Variants in THADA observed in about 807,000 individuals in gnomAD.
THADA encodes THADA armadillo repeat containing.
Under a neutral mutation model 219.8 loss-of-function variants are expected in THADA, and 213 were observed. The ratio of observed to expected loss-of-function variants is 0.97; its 90% CI spans 0.87 to 1.09. The LOEUF (loss-of-function observed/expected upper bound fraction) is 1.09, where lower values mean the gene tolerates loss of function less well. Among genes scored for constraint, THADA ranks in the 50% least tolerant of loss-of-function variants. THADA has a pLI of 0.00. For missense variants in THADA, 2,956 were observed against 2,311.3 expected (o/e 1.28, Z -5.72); for synonymous variants, 1,018 against 828.9 (o/e 1.23, Z -3.92).
rs776170716 is a variant in THADA at position 43,541,164 on chromosome 2, C to G, written c.3259G>C (p.Glu1087Gln). 1.3e-6 allele frequency: 2 copies of G among 1,569,402 alleles called. No individual in the cohort carries two copies. The highest frequency in any genetic ancestry group is 1.4e-5 in the African/African-American group (1 of 71,762). ...GGAATAAACATGTGCCTTACCTGCTCCACCGTCAATAATCCATCAGAAGAT... is the reference window on the plus strand; with the variant it reads ...GGAATAAACATGTGCCTTACCTGCTGCACCGTCAATAATCCATCAGAAGAT... ...PESSDGLLTV[E>Q]QVKEIGDYFK... is the part of the protein sequence containing the mutation. The change falls in exon 21 of 38, where the codon GAG (glutamate) becomes CAG (glutamine). Residue 1087 changes from glutamate to glutamine, a missense_variant. Transcript: ENST00000405975.
chr2:43,479,704 A>G (rs1573859785), intron 26 of THADA, among the ~76,000 whole-genome samples: 3 of 152,184 alleles, frequency 2.0e-5, no homozygotes, highest in African/African-American at 7.2e-5. Context: ...CAGAAAACTA[A>G]GATTTCTACC....
chr2:43,337,932 A>G (rs1666651918), intron 30 of THADA, among the ~76,000 whole-genome samples: 1 of 152,210 alleles, frequency 6.6e-6, no homozygotes, highest in African/African-American at 2.4e-5. Context: ...CACAGGTGGT[A>G]AAACTAGGAA....
intron 29 of THADA, among the ~76,000 whole-genome samples, chr2:43,356,267 C>T (rs567777261): frequency 2.0e-4 from 31 of 152,026 alleles, no homozygotes; most frequent in Non-Finnish European, 3.7e-4. Context: ...AAGCCTTAAA[C>T]TAAGATAAAT....
chr2:43,499,240 C>T (rs1017457428), intron 24 of THADA, among the ~76,000 whole-genome samples: 2 of 152,170 alleles, frequency 1.3e-5, no homozygotes, highest in African/African-American at 2.4e-5. Flanking sequence ...TTCGAGCACA[C>T]ATGAAACATT....
At chr2:43,462,371 T>C (rs929653845) in intron 26 of THADA, among the ~76,000 whole-genome samples, 1 of 152,104 alleles carries the variant, frequency 6.6e-6, no homozygotes, top group African/African-American at 2.4e-5. Flanking sequence ...AATAGTAAGG[T>C]GAACTTCTAG....
intron 13 of THADA, 67 bp downstream of exon 13, chr2:43,571,640 T>C (rs1574311660): frequency 6.6e-7 from 1 of 1,525,034 alleles, no homozygotes; most frequent in Non-Finnish European, 8.9e-7. Context: ...AAATCTGGGC[T>C]CTTTTTAAAA....
At chr2:43,243,951 T>C (rs551884956) in intron 36 of THADA, among the ~76,000 whole-genome samples, 1 of 152,330 alleles carries the variant, frequency 6.6e-6, no homozygotes, top group South Asian at 2.1e-4. Flanking sequence ...CCTGGTGACC[T>C]ATTATGAAAC....
intron 26 of THADA, among the ~76,000 whole-genome samples, chr2:43,433,337 T>G (rs1679621059): frequency 6.6e-6 from 1 of 151,980 alleles, no homozygotes. Flanking sequence ...CAAGACCAAC[T>G]TGACCAACAC....
chr2:43,479,967 A>G (rs1685993818), intron 26 of THADA, among the ~76,000 whole-genome samples: 1 of 152,220 alleles, frequency 6.6e-6, no homozygotes, highest in African/African-American at 2.4e-5. Flanking sequence ...GAGATTTGAG[A>G]TTATTGGTCA....
intron 10 of THADA, among the ~76,000 whole-genome samples, chr2:43,576,290 G>A (rs1040896644): frequency 6.6e-6 from 1 of 152,088 alleles, no homozygotes; most frequent in African/African-American, 2.4e-5. Context: ...CTGTATATAT[G>A]TTTCGACATT....
At chr2:43,432,911 G>C (rs1679557406) in intron 26 of THADA, among the ~76,000 whole-genome samples, 1 of 152,128 alleles carries the variant, frequency 6.6e-6, no homozygotes, top group East Asian at 1.9e-4. Flanking sequence ...CCTTCTTCTA[G>C]TCTGTGGCTT....
intron 36 of THADA, among the ~76,000 whole-genome samples, chr2:43,256,606 TA>T: frequency 1.4e-5 from 2 of 144,666 alleles, no homozygotes; most frequent in African/African-American, 5.5e-5. Flanking sequence ...AATAAATAAA[TA>T]AATAATTTTT....
At position 43,322,712 on chromosome 2, in the gene THADA, G is replaced by C. The variant is rs1461769739; in HGVS notation, c.4344-2172C>G. Among the ~76,000 whole-genome samples, 39 of 101,680 alleles carry C rather than the reference G, an allele frequency of 3.8e-4. 1 individual carries two copies. The highest frequency in any genetic ancestry group is 1.5e-3 in the African/African-American group (38 of 25,074). 66.7% of individuals were successfully genotyped at this position (101,680 alleles called of 152,430 possible). A position where few individuals can be genotyped will look rare whatever the true frequency, so the allele number is the denominator to read the frequency against. ...TTTTTTTTTTTTTTTTTGAGACGGA[G>C]TCTCTCTCTGTCACCCAGGCTGGAG... On this transcript the variant is annotated intron_variant, in intron 30 of 37. Coordinates refer to ENST00000405975, the MANE Select transcript of THADA (RefSeq NM_022065.5).
At chr2:43,503,748 G>C (rs1158605724) in intron 24 of THADA, among the ~76,000 whole-genome samples, 5 of 152,074 alleles carry the variant, frequency 3.3e-5, no homozygotes, top group African/African-American at 4.8e-5. Flanking sequence ...AAAAAGCTTA[G>C]AAGACTGGTC....
intron 16 of THADA, among the ~76,000 whole-genome samples, chr2:43,557,415 C>T (rs111890967): frequency 6.0e-4 from 92 of 152,340 alleles, no homozygotes; most frequent in Non-Finnish European, 1.1e-3. Context: ...GGCTGCCCTT[C>T]TCCCTTCCTC....
chr2:43,488,652 A>C (rs1261818998), intron 25 of THADA, among the ~76,000 whole-genome samples: 2 of 152,186 alleles, frequency 1.3e-5, no homozygotes, highest in African/African-American at 4.8e-5. Context: ...TTCATGTACA[A>C]GTTTTTGTGT....
At chr2:43,315,983 C>T (rs1678033202) in intron 31 of THADA, among the ~76,000 whole-genome samples, 1 of 152,240 alleles carries the variant, frequency 6.6e-6, no homozygotes, top group South Asian at 2.1e-4. Flanking sequence ...GACTGAGTTT[C>T]TGCCTCCTCA....
intron 28 of THADA, among the ~76,000 whole-genome samples, chr2:43,402,838 C>G (rs1398160789): frequency 6.6e-6 from 1 of 152,190 alleles, no homozygotes; most frequent in Non-Finnish European, 1.5e-5. Context: ...GGTGATCATG[C>G]CCAGCTCTGC....
chr2:43,580,416 C>T (rs1194015075), intron 8 of THADA, among the ~76,000 whole-genome samples: 1 of 152,092 alleles, frequency 6.6e-6, no homozygotes, highest in Non-Finnish European at 1.5e-5. Flanking sequence ...TAACACAGTC[C>T]TCTTTTAAAA....
Sources: allele counts gnomAD v4.1 joint callset (sites outside exome capture counted in the v4.1 genomes callset), GRCh38; gene constraint gnomAD v4.1.1; transcripts MANE v1.5; gene names NCBI Gene and HGNC (gene_info 2026-07-23, HGNC 2026-07-21).